The following CPS1 variants were observed in gnomAD, a reference collection of about 807,000 sequenced individuals.
The protein encoded by CPS1 is carbamoyl-phosphate synthase [ammonia], mitochondrial.
Under a neutral mutation model 174.6 loss-of-function variants are expected in CPS1, and 109 were observed. That is an observed-to-expected ratio of 0.62 (90% CI 0.53 to 0.73). CPS1 has a LOEUF of 0.73. Among genes scored for constraint, CPS1 ranks in the 30% least tolerant of loss-of-function variants. The pLI, the probability that CPS1 is intolerant of heterozygous loss-of-function variation, is 0.00. For synonymous variants in CPS1, 637 were observed against 632.0 expected (o/e 1.01, Z -0.12); for missense variants, 1,689 against 1,821.9 (o/e 0.93, Z 1.33).
At chr2:210,491,535 T>C (rs1022935583) in intron 1 of CPS1, among the ~76,000 whole-genome samples, 3 of 151,936 alleles carry the variant, frequency 2.0e-5, no homozygotes, top group Admixed American at 2.0e-4. Flanking sequence ...GGATGGTCTC[T>C]ATCTCCTGAC....
Position 210,489,761 on chromosome 2 carries a change from G to A in CPS1, c.3+11995G>A, listed in dbSNP as rs535274780. ...AAAATAAAAAAGGAAGGAAGGGAGAGGCCGAGGCAGGCAGATCACGAGGTC... is the reference window on the plus strand; with the variant it reads ...AAAATAAAAAAGGAAGGAAGGGAGAAGCCGAGGCAGGCAGATCACGAGGTC... On this transcript the variant is annotated intron_variant, in intron 1 of 38. Coordinates refer to the CPS1 transcript ENST00000430249. Among the ~76,000 whole-genome samples, 22 of 152,108 alleles carry A rather than the reference G, an allele frequency of 1.4e-4. No homozygotes were observed. In the South Asian group the frequency reaches 4.4e-3, roughly 30 times the overall value.
At position 210,573,335 on chromosome 2, in the gene CPS1, A is replaced by C; in HGVS notation, c.164A>C (p.Lys55Thr). Reference sequence around the variant, plus strand: ...CACATTGTCCTGGAAGATGGAACTAAGATGAAAGGTTACTCCTTTGGCCAT... The same window carrying C: ...CACATTGTCCTGGAAGATGGAACTACGATGAAAGGTTACTCCTTTGGCCAT... ...TAHIVLEDGTKMKGYSFGHPS... is the reference protein window; with the variant it reads ...TAHIVLEDGTTMKGYSFGHPS... Residue 55 changes from lysine (K) to threonine (T), a missense_variant, in exon 2 of 38, where the codon AAG becomes ACG. Coordinates refer to ENST00000233072, the MANE Select transcript of CPS1 (RefSeq NM_001875.5). 1 of 1,613,266 alleles carries C rather than the reference A, an allele frequency of 6.2e-7. No homozygotes were observed. The highest frequency in any genetic ancestry group is 8.5e-7 in the Non-Finnish European group (1 of 1,179,296).
chr2:210,511,357 A>C (rs1695486685), intron 1 of CPS1, among the ~76,000 whole-genome samples: 1 of 152,056 alleles, frequency 6.6e-6, no homozygotes, highest in African/African-American at 2.4e-5. Flanking sequence ...CAGGAAGGGG[A>C]ACATCACACA....
chr2:210,590,903 A>G lies in CPS1; in HGVS notation c.944A>G (p.Asn315Ser), dbSNP rs1239909677. Residue 315 changes from asparagine to serine, a missense_variant, in exon 9 of 38, where the codon AAC becomes AGC. Transcript: ENST00000233072. ...GAKTYKMSMA[N>S]RGQNQPVLNI... ...AAAACCTACAAGATGTCCATGGCCA[A>G]CAGGTGAGGTATTTTCACTTTTGCT... 6.2e-7 allele frequency: 1 copy of G among 1,610,354 alleles called. No homozygotes were observed. Among genetic ancestry groups the G allele is most frequent in the Non-Finnish European group, 8.5e-7 (1 of 1,177,624 alleles).
intron 1 of CPS1, among the ~76,000 whole-genome samples, chr2:210,527,867 T>C (rs1400383779): frequency 6.6e-6 from 1 of 151,792 alleles, no homozygotes; most frequent in Non-Finnish European, 1.5e-5. Context: ...TAAAATTTGA[T>C]GCAGTGGAGT....
At chr2:210,584,703 C>G (rs1423510329) in intron 6 of CPS1, among the ~76,000 whole-genome samples, 1 of 151,866 alleles carries the variant, frequency 6.6e-6, no homozygotes, top group East Asian at 1.9e-4. Flanking sequence ...GTAACTTGCC[C>G]AAGTTTAGTG....
At chr2:210,506,273 G>A (rs1251143954) in intron 1 of CPS1, among the ~76,000 whole-genome samples, 3 of 152,126 alleles carry the variant, frequency 2.0e-5, no homozygotes, top group Non-Finnish European at 2.9e-5. Context: ...CAGGCAAACA[G>A]GGTCAGGAGT....
chr2:210,603,514 T>C (rs1698798801), intron 16 of CPS1, among the ~76,000 whole-genome samples: 2 of 151,886 alleles, frequency 1.3e-5, no homozygotes, highest in South Asian at 4.1e-4. Flanking sequence ...TTTTTGAAGA[T>C]AGAAAGTTTA....
chr2:210,664,081 T>C (rs748943118), intron 33 of CPS1, among the ~76,000 whole-genome samples: 14 of 152,168 alleles, frequency 9.2e-5, no homozygotes, highest in African/African-American at 3.4e-4. Context: ...CAGGAATAAA[T>C]GGCTGTCCTG....
At chr2:210,512,229 A>G (rs143119108) in intron 1 of CPS1, among the ~76,000 whole-genome samples, 2 of 152,020 alleles carry the variant, frequency 1.3e-5, no homozygotes, top group African/African-American at 2.4e-5. Flanking sequence ...TTTTGGATTC[A>G]GACGTTACAT....
chr2:210,591,003 A>G (rs2106109367), intron 9 of CPS1, 97 bp downstream of exon 9: 1 of 698,998 alleles, frequency 1.4e-6, no homozygotes, highest in South Asian at 1.5e-5. Flanking sequence ...CTTTAGAGTA[A>G]ATAAATGCAC....
At chr2:210,580,603 T>A (rs1559086880) in intron 5 of CPS1, among the ~76,000 whole-genome samples, 3 of 152,148 alleles carry the variant, frequency 2.0e-5, no homozygotes. Context: ...GGGTCATGCC[T>A]GTAATCCCAG....
intron 36 of CPS1, among the ~76,000 whole-genome samples, chr2:210,676,050 C>G (rs1323233509): frequency 6.6e-6 from 1 of 152,202 alleles, no homozygotes; most frequent in African/African-American, 2.4e-5. Context: ...TTTCAAAATA[C>G]TTCTTAGTAA....
chr2:210,486,115 TACACACAC>T (rs60740361), intron 1 of CPS1, among the ~76,000 whole-genome samples: 4,890 of 135,546 alleles, frequency 0.036, 136 homozygotes, highest in Non-Finnish European at 0.047. Flanking sequence ...CACACACACA[TACACACAC>T]ACACACACAC....
intron 1 of CPS1, among the ~76,000 whole-genome samples, chr2:210,532,521 A>G (rs1696142571): frequency 6.6e-6 from 1 of 152,132 alleles, no homozygotes; most frequent in Non-Finnish European, 1.5e-5. Flanking sequence ...GGTAATGACT[A>G]GAAAGGGAAT....
chr2:210,656,286 C>T (rs965445377), intron 29 of CPS1, among the ~76,000 whole-genome samples: 1 of 152,172 alleles, frequency 6.6e-6, no homozygotes, highest in Admixed American at 6.5e-5. Context: ...ATTACTTATA[C>T]CCATGCTAAT....
At chr2:210,564,879 C>T (rs1330653324) in intron 1 of CPS1, among the ~76,000 whole-genome samples, 1 of 152,018 alleles carries the variant, frequency 6.6e-6, no homozygotes, top group East Asian at 1.9e-4. Context: ...CCTGTAATCT[C>T]AGCTACTCGG....
chr2:210,512,165 T>C (rs1005938372), intron 1 of CPS1, among the ~76,000 whole-genome samples: 4 of 152,102 alleles, frequency 2.6e-5, no homozygotes, highest in Admixed American at 2.6e-4. Flanking sequence ...GTGACTTTTA[T>C]GTGTGCAAAT....
chr2:210,586,266 A>G (rs528681411), intron 6 of CPS1, among the ~76,000 whole-genome samples: 2 of 152,110 alleles, frequency 1.3e-5, no homozygotes, highest in African/African-American at 4.8e-5. Context: ...AAGAAAATCA[A>G]TTTTAAATTA....
Sources: allele counts gnomAD v4.1 joint callset (sites outside exome capture counted in the v4.1 genomes callset), GRCh38; gene constraint gnomAD v4.1.1; transcripts MANE v1.5; gene names NCBI Gene and HGNC (gene_info 2026-07-23, HGNC 2026-07-21).